Variants in KCNJ15 observed in about 807,000 individuals in gnomAD.
The protein encoded by KCNJ15 is potassium inwardly rectifying channel subfamily J member 15.
In KCNJ15, 14 loss-of-function variants were observed where a neutral mutation model predicts 23.0. That is an observed-to-expected ratio of 0.61 (90% CI 0.40 to 0.95). The LOEUF is 0.95. KCNJ15 is among the 40% of genes least tolerant of loss of function. The pLI, the probability that KCNJ15 is intolerant of heterozygous loss-of-function variation, is 0.00. For synonymous variants in KCNJ15, 185 were observed against 183.2 expected (o/e 1.01, Z -0.08); for missense variants, 388 against 461.8 (o/e 0.84, Z 1.46).
At chr21:38,254,206 C>T (rs564749352), upstream of KCNJ15, among the ~76,000 whole-genome samples, 2 of 152,296 alleles carry the variant, frequency 1.3e-5, no homozygotes, top group South Asian at 4.1e-4. Flanking sequence ...TTAACAAAGC[C>T]TGGCCTCTAT....
At chr21:38,270,320 C>A (rs1981944832) in intron 1 of KCNJ15, among the ~76,000 whole-genome samples, 1 of 152,204 alleles carries the variant, frequency 6.6e-6, no homozygotes, top group African/African-American at 2.4e-5. Flanking sequence ...GCACGTTGGA[C>A]TTGGCTGAGC....
At chr21:38,234,300 T>G (rs1016044348) in intron 1 of KCNJ15, among the ~76,000 whole-genome samples, 4 of 152,204 alleles carry the variant, frequency 2.6e-5, no homozygotes, top group African/African-American at 9.7e-5. Context: ...ATTTTTAGTG[T>G]TAGTGTATTT....
chr21:38,238,477 A>G (rs1978771338), intron 1 of KCNJ15: 1 of 656,378 alleles, frequency 1.5e-6, no homozygotes, highest in Non-Finnish European at 2.9e-6. Flanking sequence ...ACAGATGGTG[A>G]TCTGCCTGAG....
upstream of KCNJ15, chr21:38,256,889 T>C (rs1980293102): frequency 6.6e-6 from 1 of 151,148 alleles, no homozygotes; most frequent in African/African-American, 2.5e-5. Context: ...TCTCTCTCTG[T>C]CTCTCACTTT....
At chr21:38,293,113 G>A (rs1274350919) in intron 1 of KCNJ15, among the ~76,000 whole-genome samples, 1 of 151,988 alleles carries the variant, frequency 6.6e-6, no homozygotes, top group East Asian at 1.9e-4. Context: ...ACTAGGTTTT[G>A]CCTTGTTAAC....
intron 1 of KCNJ15, among the ~76,000 whole-genome samples, chr21:38,243,168 A>G (rs1979126620): frequency 6.6e-6 from 1 of 151,586 alleles, no homozygotes; most frequent in African/African-American, 2.4e-5. Flanking sequence ...AAAATTGTTT[A>G]TCTTCTTTTC....
intron 1 of KCNJ15, among the ~76,000 whole-genome samples, chr21:38,247,632 T>C (rs1364618744): frequency 6.6e-6 from 1 of 152,156 alleles, no homozygotes; most frequent in African/African-American, 2.4e-5. Flanking sequence ...ATGGATGGAT[T>C]GATTGAATAA....
chr21:38,299,528 G>A lies in KCNJ15; in HGVS notation c.267G>A (p.Ala89=), dbSNP rs545197879. The A allele has an allele frequency of 5.0e-5, 81 of 1,614,118 alleles. No homozygotes were observed. Among genetic ancestry groups the A allele is most frequent in the African/African-American group, 9.3e-5 (7 of 75,016 alleles). The change falls in exon 3 of 3, where the codon GCG becomes GCA. Residue 89 remains alanine, a synonymous_variant. Coordinates refer to ENST00000398938, the MANE Select transcript of KCNJ15 (RefSeq NM_170736.3). This position sits in a 1 kb window ranked among gnomAD's most constrained non-coding sequence, Gnocchi z 4.5. Reference sequence around the variant, plus strand: ...TTGGAGTCATCTACTATGCCATCGCGTTTATTCATGGGGACTTAGAACCCG... The same window carrying A: ...TTGGAGTCATCTACTATGCCATCGCATTTATTCATGGGGACTTAGAACCCG... ...FLFGVIYYAI[A]FIHGDLEPGE... is the part of the protein sequence containing the mutation.
chr21:38,278,836 C>T (rs1178737274), intron 1 of KCNJ15, among the ~76,000 whole-genome samples: 3 of 152,064 alleles, frequency 2.0e-5, no homozygotes, highest in Non-Finnish European at 4.4e-5. Flanking sequence ...GCAGGTGGGG[C>T]CAGTTTCTGA....
chr21:38,300,202 T>C lies in KCNJ15; in HGVS notation c.941T>C (p.Val314Ala). Residue 314 changes from valine to alanine, a missense_variant, in exon 3 of 3, where the codon GTG (valine) becomes GCG (alanine). Transcript: ENST00000398938. ...EIYWGFEFVP[V>A]VSLSKNGKYV... Reference sequence around the variant, plus strand: ...TACTGGGGTTTTGAGTTTGTGCCTGTGGTATCTCTCTCCAAAAATGGAAAA... The same window carrying C: ...TACTGGGGTTTTGAGTTTGTGCCTGCGGTATCTCTCTCCAAAAATGGAAAA... 1 of 1,614,174 alleles carries C rather than the reference T, an allele frequency of 6.2e-7. No individual in the cohort carries two copies. The highest frequency in any genetic ancestry group is 8.5e-7 in the Non-Finnish European group (1 of 1,180,022).
At chr21:38,291,460 C>T (rs531877295) in intron 1 of KCNJ15, 1 of 152,208 alleles carries the variant, frequency 6.6e-6, no homozygotes, top group African/African-American at 2.4e-5. Flanking sequence ...CCCAAGGAAA[C>T]ATTTTCTAAC....
At chr21:38,263,671 G>T (rs1971975241) in intron 1 of KCNJ15, among the ~76,000 whole-genome samples, 1 of 152,238 alleles carries the variant, frequency 6.6e-6, no homozygotes. Flanking sequence ...AACTGTGATG[G>T]GTGTGGAGTG....
intron 1 of KCNJ15, among the ~76,000 whole-genome samples, chr21:38,293,831 G>A (rs1457277754): frequency 6.6e-6 from 1 of 152,260 alleles, no homozygotes; most frequent in Non-Finnish European, 1.5e-5. Flanking sequence ...CACCTTGCTT[G>A]TTTTCAATGA....
intron 1 of KCNJ15, among the ~76,000 whole-genome samples, chr21:38,262,132 G>C (rs539938072): frequency 6.6e-6 from 1 of 152,142 alleles, no homozygotes; most frequent in African/African-American, 2.4e-5. Flanking sequence ...TATTTCCTGA[G>C]TTATCCTTCA....
chr21:38,290,326 C>T (rs757934555), intron 1 of KCNJ15, among the ~76,000 whole-genome samples: 28 of 148,230 alleles, frequency 1.9e-4, no homozygotes, highest in Non-Finnish European at 1.8e-4. Flanking sequence ...AAGGGAACAA[C>T]GATGCAAACC....
intron 1 of KCNJ15, among the ~76,000 whole-genome samples, chr21:38,230,627 T>A (rs1288093210): frequency 4.6e-5 from 7 of 152,114 alleles, no homozygotes; most frequent in African/African-American, 1.7e-4. Context: ...AAGTTTGCTT[T>A]CATGTTTCCT....
chr21:38,246,036 G>T, intron 1 of KCNJ15, among the ~76,000 whole-genome samples: 1 of 152,168 alleles, frequency 6.6e-6, no homozygotes, highest in East Asian at 1.9e-4. Flanking sequence ...AAAGTAAGAA[G>T]AATAATACCT....
At chr21:38,258,960 C>T (rs1980581549) in intron 1 of KCNJ15, among the ~76,000 whole-genome samples, 1 of 152,020 alleles carries the variant, frequency 6.6e-6, no homozygotes. Flanking sequence ...CCTCACTCTG[C>T]TTCTGCATCG....
In KCNJ15 at chr21:38,304,662, C is replaced by CTTTTTTTTTTTTTTTTTTTTTTTTTTTTT. The variant is rs543096995; in HGVS notation, c.*4276_*4304dup. The CTTTTTTTTTTTTTTTTTTTTTTTTTTTTT allele has an allele frequency of 1.4e-4, 8 of 56,026 alleles. 3 individuals are homozygous for CTTTTTTTTTTTTTTTTTTTTTTTTTTTTT. Among genetic ancestry groups the CTTTTTTTTTTTTTTTTTTTTTTTTTTTTT allele is most frequent in the East Asian group, 1.1e-3 (2 of 1,798 alleles). 3.5% of individuals were successfully genotyped at this position (56,026 alleles called of 1,614,324 possible). ...TTACCCTTTGTAAACTTCAATTTAT[C>CTTTTTTTTTTTTTTTTTTTTTTTTTTTTT]TTTTTTTTTTTTTTTTTTTTTTTTT... On this transcript the variant is annotated 3_prime_UTR_variant, in exon 3 of 3. Transcript: ENST00000398938.
Sources: allele counts gnomAD v4.1 joint callset (sites outside exome capture counted in the v4.1 genomes callset), GRCh38; gene constraint gnomAD v4.1.1; non-coding constraint Gnocchi (gnomAD v3.1); transcripts MANE v1.5; gene names NCBI Gene and HGNC (gene_info 2026-07-23, HGNC 2026-07-21).